PNCK: variants seen among roughly 807,000 people sequenced by gnomAD.
The protein encoded by PNCK is calcium/calmodulin-dependent protein kinase type 1B.
Under a neutral mutation model 28.3 loss-of-function variants are expected in PNCK, and 21 were observed. The observed-to-expected ratio is 0.74, with a 90% CI of 0.53 to 1.07. PNCK has a LOEUF of 1.07. Among genes scored for constraint, PNCK ranks in the 50% least tolerant of loss-of-function variants. PNCK has a pLI of 0.00. For synonymous variants in PNCK, 136 were observed against 125.2 expected, an observed-to-expected ratio of 1.09 and a Z score of -0.58; for missense variants, 250 against 298.3, an observed-to-expected ratio of 0.84 and a Z score of 1.19.
At position 153,671,344 on chromosome X, in the gene PNCK, C is replaced by T; in HGVS notation, c.555G>A (p.Glu185=). 1 of 1,211,928 alleles carries T rather than the reference C, an allele frequency of 8.3e-7. No individual in the cohort carries two copies. Among genetic ancestry groups the T allele is most frequent in the Non-Finnish European group, 1.1e-6 (1 of 895,492 alleles). The change falls in exon 7 of 12, where the codon GAG becomes GAA. Residue 185 remains glutamate (E), a synonymous_variant. Transcript: ENST00000340888. ...TPGYVAPELL[E]QKPYGKAVDV... is the part of the protein sequence containing the mutation. ...CTACGGCCTTCCCGTAGGGTTTCTG[C>T]TCCAAGAGCTCTGGGGCTGGGGGCC...
chrX:153,675,874 G>A (rs2091362718), upstream of PNCK, among the ~76,000 whole-genome samples: 2 of 110,341 alleles, frequency 1.8e-5, no homozygotes, highest in Non-Finnish European at 3.8e-5. Context: ...CTGGCAAGGT[G>A]GCTTATGCCT....
intron 1 of PNCK, among the ~76,000 whole-genome samples, chrX:153,681,021 C>T (rs1338445584): frequency 1.1e-5 from 1 of 91,117 alleles, no homozygotes; most frequent in African/African-American, 4.7e-5. Flanking sequence ...AGAGTGAGAA[C>T]CTGTCTCAAA....
At chrX:153,672,415 TCA>T in intron 3 of PNCK, 149 bp downstream of exon 3, 2 of 907,855 alleles carry the variant, frequency 2.2e-6, no homozygotes, top group Non-Finnish European at 3.0e-6. Context: ...CAATATCAAC[TCA>T]CTCCCTTTGC....
chrX:153,681,524 A>C (rs1229318436), intron 1 of PNCK, among the ~76,000 whole-genome samples: 1 of 111,883 alleles, frequency 8.9e-6, no homozygotes, highest in Non-Finnish European at 1.9e-5. Flanking sequence ...CACACTGCCC[A>C]GTCCTCCTCG....
intron 1 of PNCK, 50 bp downstream of exon 1, chrX:153,673,730 C>G: frequency 4.3e-6 from 3 of 696,942 alleles, no homozygotes; most frequent in Non-Finnish European, 5.1e-6. Flanking sequence ...CGGGCCGGAT[C>G]CGGTGCGCCC....
At chrX:153,682,476 G>A (rs900748048) in intron 1 of PNCK, among the ~76,000 whole-genome samples, 5 of 111,466 alleles carry the variant, frequency 4.5e-5, no homozygotes, top group Non-Finnish European at 7.5e-5. Context: ...ACAAGGTTTC[G>A]CTATGTTGCC....
chrX:153,673,888 A>G (rs1557041043), upstream of PNCK: 8 of 871,967 alleles, frequency 9.2e-6, no homozygotes, highest in African/African-American at 2.2e-5. Flanking sequence ...CAGCCGCCCA[A>G]GCACGCAGTG....
At chrX:153,674,166 C>T (rs983232078), upstream of PNCK, 3 of 1,207,214 alleles carry the variant, frequency 2.5e-6, no homozygotes, top group Non-Finnish European at 3.4e-6. Flanking sequence ...TGCCCGAAAG[C>T]AGCCTCCATG....
In PNCK at chrX:153,672,603, C is replaced by T; in HGVS notation, c.163G>A (p.Glu55Lys). The change falls in exon 3 of 12, where the codon GAG becomes AAG. Residue 55 changes from glutamate to lysine, a missense_variant. By Grantham distance (56) the Glu-to-Lys change is moderately conservative. Coordinates refer to ENST00000340888, the MANE Select transcript of PNCK (RefSeq NM_001366977.1). ...CIPKKALRGKEALVENEIAVL... is the reference protein window; with the variant it reads ...CIPKKALRGKKALVENEIAVL... ...GCGATCTCGTTCTCCACCAGGGCCTCCTTGCCCCGGAGGGCCTTCTTGGGG... is the reference window on the plus strand; with the variant it reads ...GCGATCTCGTTCTCCACCAGGGCCTTCTTGCCCCGGAGGGCCTTCTTGGGG... The T allele has an allele frequency of 8.3e-7, 1 of 1,207,912 alleles. No individual in the cohort carries two copies. The highest frequency in any genetic ancestry group is 1.1e-6 in the Non-Finnish European group (1 of 895,476).
At chrX:153,687,607 G>T (rs369550602), upstream of PNCK, 13 of 312,767 alleles carry the variant, frequency 4.2e-5, no homozygotes, top group African/African-American at 2.3e-4. Context: ...GGGCCCGGGG[G>T]ACGTCTTCCC....
chrX:153,677,583 A>AGT (rs1557041802), upstream of PNCK, among the ~76,000 whole-genome samples: 54 of 99,275 alleles, frequency 5.4e-4, no homozygotes, highest in African/African-American at 2.0e-3. Flanking sequence ...GTGTATATAT[A>AGT]GTGTATATAT....
At chrX:153,678,180 C>T (rs782636212), upstream of PNCK, among the ~76,000 whole-genome samples, 2 of 110,357 alleles carry the variant, frequency 1.8e-5, no homozygotes, top group South Asian at 3.9e-4. Context: ...AGGCCAGGCA[C>T]GGTGGCTCAT....
chrX:153,679,274 G>T (rs5987129), upstream of PNCK, among the ~76,000 whole-genome samples: 12,057 of 109,551 alleles, frequency 0.11, 1,670 homozygotes, highest in African/African-American at 0.38. Context: ...CAGGGTGGCT[G>T]TACCTCGTCA....
Position 153,671,671 on chromosome X carries a change from G to A in PNCK, c.416C>T (p.Pro139Leu), listed in dbSNP as rs1468161459. ...SLGIVHRDLKPENLLYATPFE... is the reference protein window; with the variant it reads ...SLGIVHRDLKLENLLYATPFE... ...GGGCGTGGCATACAGGAGGTTTTCG[G>A]GCTGTGACACACGGACACCGGGAAA... The change falls in exon 6 of 12, where the codon CCC (proline) becomes CTC (leucine). Residue 139 changes from proline (P) to leucine (L), a missense_variant and splice_region_variant. Pro to Leu is a moderately conservative substitution (Grantham distance 98). Transcript: ENST00000340888. The A allele has an allele frequency of 8.4e-7, 1 of 1,184,159 alleles. No homozygotes were observed. The highest frequency in any genetic ancestry group is 1.1e-6 in the Non-Finnish European group (1 of 880,914).
rs781988522 is a variant in PNCK, at chrX:153,673,096, A to T, written c.-2-18T>A. On this transcript the variant is annotated intron_variant, in intron 1 of 11. Coordinates refer to ENST00000340888, the MANE Select transcript of PNCK (RefSeq NM_001366977.1). ...CAGCATGTCTGCAGGGGCAGGGGAG[A>T]GGTGATGGGGGTCTCTCCCCGCCCC... 1 of 1,180,800 alleles carries T rather than the reference A, an allele frequency of 8.5e-7. No homozygotes were observed. Among genetic ancestry groups the T allele is most frequent in the Non-Finnish European group, 1.1e-6 (1 of 875,906 alleles).
intron 1 of PNCK, among the ~76,000 whole-genome samples, chrX:153,682,616 G>T (rs1364069808): frequency 8.9e-6 from 1 of 112,020 alleles, no homozygotes; most frequent in African/African-American, 3.2e-5. Flanking sequence ...ATCCACAAAA[G>T]AAGTGAAAAT....
At chrX:153,673,292 C>T (rs2091336157) in intron 1 of PNCK, 1 of 1,185,755 alleles carries the variant, frequency 8.4e-7, no homozygotes, top group East Asian at 3.1e-5. Context: ...AGCTGCTATC[C>T]CACGCACCCT....
chrX:153,679,566 CTT>C (rs1211891003), upstream of PNCK, among the ~76,000 whole-genome samples: 4 of 46,089 alleles, frequency 8.7e-5, no homozygotes, highest in African/African-American at 2.8e-4. Context: ...CTTTTCTTTT[CTT>C]TTTTTTTTTT....
upstream of PNCK, among the ~76,000 whole-genome samples, chrX:153,676,939 C>T (rs1015712538): frequency 1.8e-5 from 2 of 111,019 alleles, no homozygotes; most frequent in Non-Finnish European, 3.8e-5. Flanking sequence ...TTTGTGCCAC[C>T]GGGGAACAAA....
Sources: allele counts gnomAD v4.1 joint callset (sites outside exome capture counted in the v4.1 genomes callset), GRCh38; gene constraint gnomAD v4.1.1; transcripts MANE v1.5; gene names NCBI Gene and HGNC (gene_info 2026-07-23, HGNC 2026-07-21).